Variants in DMD observed in about 807,000 individuals in gnomAD.
DMD encodes dystrophin.
DMD carries 63 observed loss-of-function variants against 330.1 expected under a neutral mutation model. The ratio of observed to expected loss-of-function variants is 0.19; its 90% CI spans 0.16 to 0.24. The LOEUF (loss-of-function observed/expected upper bound fraction) is 0.24. DMD is among the 10% of genes least tolerant of loss of function. The pLI is 1.00. For synonymous variants in DMD, 1,223 were observed against 959.8 expected, an observed-to-expected ratio of 1.27 and a Z score of -5.07; for missense variants, 3,344 against 2,684.1, an observed-to-expected ratio of 1.25 and a Z score of -5.43.
intron 44 of DMD, among the ~76,000 whole-genome samples, chrX:32,112,707 T>C (rs2096594343): frequency 1.8e-5 from 2 of 111,924 alleles, no homozygotes; most frequent in South Asian, 7.5e-4. Flanking sequence ...CATACTGATA[T>C]TTAGACCACA....
intron 44 of DMD, among the ~76,000 whole-genome samples, chrX:31,987,937 T>C (rs761516230): frequency 8.9e-6 from 1 of 111,944 alleles, no homozygotes; most frequent in Non-Finnish European, 1.9e-5. Context: ...TAGAATCAAC[T>C]TAAGTGTTTA....
chrX:31,223,016 T>A, intron 64 of DMD, 31 bp downstream of exon 64: 1 of 1,166,645 alleles, frequency 8.6e-7, no homozygotes, highest in African/African-American at 1.8e-5. Flanking sequence ...AGACATAGTA[T>A]CAAGATCTTC....
At chrX:31,608,173 C>T (rs1049605372) in intron 55 of DMD, among the ~76,000 whole-genome samples, 2 of 111,910 alleles carry the variant, frequency 1.8e-5, no homozygotes, top group Admixed American at 1.9e-4. Flanking sequence ...TCACTATTTT[C>T]ATATATCTCA....
At chrX:32,051,883 C>A (rs910072130) in intron 44 of DMD, among the ~76,000 whole-genome samples, 2 of 111,249 alleles carry the variant, frequency 1.8e-5, no homozygotes, top group East Asian at 5.7e-4. Flanking sequence ...GTGGGAGATG[C>A]AAGTACACCT....
chrX:33,120,304 T>C (rs188236168), intron 1 of DMD, among the ~76,000 whole-genome samples: 1 of 111,860 alleles, frequency 8.9e-6, no homozygotes, highest in Non-Finnish European at 1.9e-5. Context: ...GGCTCAGTCC[T>C]GCTGGTGAAT....
intron 1 of DMD, among the ~76,000 whole-genome samples, chrX:33,263,438 A>AAAATAT (rs1557310310): frequency 3.8e-5 from 4 of 103,959 alleles, no homozygotes; most frequent in African/African-American, 1.4e-4. Context: ...CTTTTTAAAA[A>AAAATAT]ATATATATAT....
chrX:33,266,165 T>C (rs1415540367), intron 1 of DMD, among the ~76,000 whole-genome samples: 1 of 111,678 alleles, frequency 9.0e-6, no homozygotes, highest in African/African-American at 3.2e-5. Context: ...AAGCAAACTT[T>C]CCTCTTTTGA....
chrX:33,294,183 T>C (rs761395372), intron 1 of DMD, among the ~76,000 whole-genome samples: 2 of 111,087 alleles, frequency 1.8e-5, no homozygotes, highest in African/African-American at 6.5e-5. Flanking sequence ...GACTGAGATT[T>C]TGCAGGTTTT....
chrX:32,791,339 AG>A (rs2075805544), intron 7 of DMD, among the ~76,000 whole-genome samples: 1 of 111,625 alleles, frequency 9.0e-6, no homozygotes, highest in Non-Finnish European at 1.9e-5. Flanking sequence ...TATAAGCCAA[AG>A]GGTTAGCCTG....
At chrX:32,694,505 T>C (rs2063504863) in intron 9 of DMD, among the ~76,000 whole-genome samples, 1 of 112,053 alleles carries the variant, frequency 8.9e-6, no homozygotes, top group Non-Finnish European at 1.9e-5. Context: ...TCTCTAATTA[T>C]TTCATAAGTC....
intron 16 of DMD, among the ~76,000 whole-genome samples, chrX:32,546,124 C>T (rs1050341347): frequency 4.9e-5 from 5 of 102,851 alleles, no homozygotes; most frequent in South Asian, 4.7e-4. Flanking sequence ...TTTTGTGAGC[C>T]AAGACATGAG....
chrX:31,920,400 T>C (rs2094673646), intron 47 of DMD, among the ~76,000 whole-genome samples: 1 of 112,043 alleles, frequency 8.9e-6, no homozygotes, highest in Non-Finnish European at 1.9e-5. Flanking sequence ...TAACCTCAGT[T>C]TAAGGAGTTG....
intron 1 of DMD, among the ~76,000 whole-genome samples, chrX:33,311,024 C>T (rs1169378077): frequency 9.1e-6 from 1 of 109,872 alleles, no homozygotes; most frequent in Non-Finnish European, 1.9e-5. Context: ...ACTTTATATC[C>T]CAGTTCAATG....
intron 2 of DMD, among the ~76,000 whole-genome samples, chrX:33,002,681 A>G (rs73188385): frequency 0.022 from 2,359 of 109,479 alleles, 35 homozygotes; most frequent in South Asian, 0.15. Context: ...CTACACAGAA[A>G]AGGTGGGAGG....
intron 2 of DMD, among the ~76,000 whole-genome samples, chrX:32,978,315 ACTT>A (rs1182846643): frequency 1.8e-5 from 2 of 111,721 alleles, no homozygotes; most frequent in Non-Finnish European, 3.8e-5. Context: ...TTGCTTAGAA[ACTT>A]CTTCTAAGAG....
intron 7 of DMD, among the ~76,000 whole-genome samples, chrX:32,798,212 T>G (rs1603427571): frequency 8.9e-6 from 1 of 112,100 alleles, no homozygotes; most frequent in Non-Finnish European, 1.9e-5. Flanking sequence ...TCTAAGTAGG[T>G]GAATTTGGGA....
Position 32,063,990 on chromosome X carries a change from A to C in DMD, c.6439-95476T>G, listed in dbSNP as rs188445760. Among the ~76,000 whole-genome samples the C allele has an allele frequency of 2.5e-4, 28 of 111,178 alleles. 1 individual carries two copies. The East Asian group carries it at 7.4e-3, about 29-fold the overall frequency. On this transcript the variant is annotated intron_variant, in intron 44 of 78. Transcript: ENST00000357033. ...AATATATAAATAGAAATGACTTAAA[A>C]ATTTTCATGAATATTTTCAGTGGAT...
At chrX:33,097,525 A>C (rs1404745337) in intron 1 of DMD, among the ~76,000 whole-genome samples, 1 of 109,376 alleles carries the variant, frequency 9.1e-6, no homozygotes, top group Admixed American at 9.9e-5. Context: ...GTAATTAGTT[A>C]TTAATGATTT....
chrX:32,097,452 A>T (rs1285444760), intron 44 of DMD, among the ~76,000 whole-genome samples: 1 of 111,406 alleles, frequency 9.0e-6, no homozygotes, highest in Non-Finnish European at 1.9e-5. Context: ...ATGGATTCAT[A>T]GTATTCCATG....
Sources: gnomAD v4.1 joint callset for allele counts (sites outside exome capture counted in the v4.1 genomes callset) on GRCh38, gnomAD v4.1.1 for gene constraint, MANE v1.5 for transcripts, NCBI Gene and HGNC (gene_info 2026-07-23, HGNC 2026-07-21) for gene names.